DENR: variants seen among roughly 807,000 people sequenced by gnomAD.
DENR encodes the protein density-regulated protein.
Under a neutral mutation model 30.6 loss-of-function variants are expected in DENR, and 6 were observed. The ratio of observed to expected loss-of-function variants is 0.20; its 90% CI spans 0.11 to 0.39. The LOEUF is 0.39. Ranked by LOEUF, DENR falls within the 10% of genes least tolerant of loss-of-function variation. DENR has a pLI of 1.00. For missense variants in DENR, 141 were observed against 230.9 expected (o/e 0.61, Z 2.52); for synonymous variants, 78 against 72.1 (o/e 1.08, Z -0.41).
intron 2 of DENR, among the ~76,000 whole-genome samples, chr12:122,755,542 G>A (rs1878527169): frequency 6.6e-6 from 1 of 152,164 alleles, no homozygotes; most frequent in African/African-American, 2.4e-5. Flanking sequence ...TCACGCCATT[G>A]CACTCCCACC....
intron 2 of DENR, 68 bp downstream of exon 2, chr12:122,753,875 C>A: frequency 7.9e-7 from 1 of 1,271,844 alleles, no homozygotes; most frequent in Non-Finnish European, 1.1e-6. Context: ...AACAGTTTGA[C>A]ATTTGGTAAG....
intron 2 of DENR, 32 bp from the exon 3 acceptor site, chr12:122,762,155 A>G: frequency 4.3e-6 from 6 of 1,382,700 alleles, no homozygotes; most frequent in Non-Finnish European, 5.9e-6. Flanking sequence ...TAGGTTTAAC[A>G]TTTCAAATCT....
At chr12:122,764,235 G>A (rs181169653) in intron 4 of DENR, among the ~76,000 whole-genome samples, 79 of 152,242 alleles carry the variant, frequency 5.2e-4, no homozygotes, top group African/African-American at 1.8e-3. Context: ...ATGAGCTCTT[G>A]GAGGAGTTTA....
At chr12:122,757,774 G>A (rs942737419) in intron 2 of DENR, among the ~76,000 whole-genome samples, 50 of 152,200 alleles carry the variant, frequency 3.3e-4, no homozygotes, top group African/African-American at 1.1e-3. Context: ...AATCTGGGAA[G>A]TGATGTGATT....
At position 122,769,139 on chromosome 12, in the gene DENR, G is replaced by A; in HGVS notation, c.*61G>A. The A allele has an allele frequency of 6.6e-7, 1 of 1,522,796 alleles. No individual in the cohort carries two copies. The highest frequency in any genetic ancestry group is 1.3e-5 in the South Asian group (1 of 74,736). The allele number at this position is 1,522,796 out of a possible 1,614,324, so 94.3% of individuals were successfully genotyped here. A position where few individuals can be genotyped will look rare whatever the true frequency, so the allele number is the denominator to read the frequency against. On this transcript the variant is annotated 3_prime_UTR_variant, in exon 8 of 8. Transcript: ENST00000280557. ...GAGAGTTGATATGGCCAAAGGGAGA[G>A]AGGCCTTTTAAAATATATATATATA...
chr12:122,753,768 T>G lies in DENR; in HGVS notation c.67T>G (p.Leu23Val), dbSNP rs780142224. 2.2e-5 allele frequency: 35 copies of G among 1,613,912 alleles called. No individual in the cohort carries two copies. The stretch of plus-strand genomic sequence containing the variant: ...AGGAGACCCAAGGAACAGTGCCAAG[T>G]TAGATGCCGATTACCCACTTCGAGT... ...CKGDPRNSAK[L>V]DADYPLRVLY... The change falls in exon 2 of 8, where the codon TTA (leucine) becomes GTA (valine). Residue 23 changes from leucine to valine, a missense_variant. Physicochemically the swap from Leu to Val is conservative, Grantham distance 32. This residue lies in a region of DENR where 104 missense variants were observed against 138.3 expected (regional missense o/e 0.75). Transcript: ENST00000280557.
intron 2 of DENR, among the ~76,000 whole-genome samples, chr12:122,759,717 A>T (rs1226580318): frequency 6.8e-6 from 1 of 146,908 alleles, no homozygotes; most frequent in African/African-American, 2.5e-5. Context: ...CAAAACCCCA[A>T]TTTTTTTTTT....
intron 2 of DENR, among the ~76,000 whole-genome samples, chr12:122,757,124 T>C (rs1208769576): frequency 6.6e-6 from 1 of 152,012 alleles, no homozygotes; most frequent in Non-Finnish European, 1.5e-5. Context: ...AAGAGAAAAA[T>C]AGAAGCGATA....
intron 2 of DENR, 189 bp downstream of exon 2, chr12:122,753,996 C>T: frequency 1.6e-6 from 1 of 610,372 alleles, no homozygotes; most frequent in Non-Finnish European, 2.9e-6. Context: ...TTGTGTCTGG[C>T]TACTCTGCCT....
At chr12:122,756,087 TA>T (rs1363331267) in intron 2 of DENR, among the ~76,000 whole-genome samples, 2 of 152,194 alleles carry the variant, frequency 1.3e-5, no homozygotes, top group East Asian at 3.8e-4. Flanking sequence ...TGGAGGCATA[TA>T]AATTGGCAGA....
At chr12:122,764,335 T>A in intron 4 of DENR, among the ~76,000 whole-genome samples, 1 of 152,150 alleles carries the variant, frequency 6.6e-6, no homozygotes, top group Admixed American at 6.6e-5. Flanking sequence ...GTGCAGTGGC[T>A]CACGCTGTAA....
chr12:122,763,596 G>A (rs1457937935), intron 4 of DENR, among the ~76,000 whole-genome samples: 1 of 152,152 alleles, frequency 6.6e-6, no homozygotes, highest in African/African-American at 2.4e-5. Flanking sequence ...AGCTACTCGG[G>A]AGGCTGAGGC....
chr12:122,764,595 G>C (rs993472990), intron 4 of DENR, among the ~76,000 whole-genome samples: 2 of 152,132 alleles, frequency 1.3e-5, no homozygotes, highest in Non-Finnish European at 2.9e-5. Context: ...GGGAGACTCC[G>C]TCTCAAAAAA....
rs900361923 is a variant in DENR at position 122,753,950 on chromosome 12, A to C, written c.106+143A>C. On this transcript the variant is annotated intron_variant, in intron 2 of 7. Coordinates refer to ENST00000280557, the MANE Select transcript of DENR (RefSeq NM_003677.5). ...GGGGAGAGGAGTCCTGGGGAGGAGG[A>C]GGCATGAATTAACAGAGTTTCCCCA... 1.6e-5 allele frequency: 11 copies of C among 708,794 alleles called. 1 individual carries two copies. Among genetic ancestry groups the C allele is most frequent in the South Asian group, 3.3e-5 (2 of 60,604 alleles). 43.9% of individuals were successfully genotyped at this position (708,794 alleles called of 1,614,324 possible).
In DENR at chr12:122,768,835, G is replaced by C; in HGVS notation, c.466G>C (p.Ala156Pro). The change falls in exon 7 of 8, where the codon GCC becomes CCC. Residue 156 changes from alanine to proline, a missense_variant. Physicochemically the swap from Ala to Pro is conservative, Grantham distance 27. Around this residue, in one of 2 missense-constraint regions of DENR, gnomAD observed 37 missense variants for 92.6 expected, o/e 0.40. Transcript: ENST00000280557. ...TTTTGCTCAAAAATTCTCCTGTGGT[G>C]CCTCAGTAACAGGGGAGGATGAAAT... is the stretch of plus-strand genomic sequence containing the variant. ...RFFAQKFSCG[A>P]SVTGEDEIII... 6.2e-7 allele frequency: 1 copy of C among 1,607,972 alleles called. No individual in the cohort carries two copies. The highest frequency in any genetic ancestry group is 1.3e-5 in the African/African-American group (1 of 74,908).
intron 1 of DENR, among the ~76,000 whole-genome samples, chr12:122,753,247 C>T (rs1380743530): frequency 6.6e-6 from 1 of 151,970 alleles, no homozygotes; most frequent in Non-Finnish European, 1.5e-5. Context: ...GTTTAGTTGC[C>T]CCCACACCCT....
intron 3 of DENR, 89 bp downstream of exon 3, chr12:122,762,295 T>G (rs907024078): frequency 1.1e-5 from 10 of 919,414 alleles, no homozygotes; most frequent in Non-Finnish European, 1.4e-5. Context: ...TTATTTTTCA[T>G]TTTTGATTAT....
Position 122,762,717 on chromosome 12 carries a change from TAAG to T in DENR, c.127-124_127-122del, listed in dbSNP as rs1164171629. 12 of 663,646 alleles carry T rather than the reference TAAG, an allele frequency of 1.8e-5. No individual in the cohort carries two copies. In the East Asian group the frequency reaches 2.6e-4, roughly 15 times the overall value. 41.1% of individuals were successfully genotyped at this position (663,646 alleles called of 1,614,324 possible). Reference sequence around the variant, plus strand: ...TGGTTGAATACAGATTTCCTGTGGATAAGAAGTCAGATGGGAGTGGTTTGTTTT... The same window carrying T: ...TGGTTGAATACAGATTTCCTGTGGATAAGTCAGATGGGAGTGGTTTGTTTT... On this transcript the variant is annotated intron_variant, in intron 3 of 7. Coordinates refer to ENST00000280557, the MANE Select transcript of DENR (RefSeq NM_003677.5).
At chr12:122,765,817 T>G (rs1351812988) in intron 5 of DENR, among the ~76,000 whole-genome samples, 1 of 152,156 alleles carries the variant, frequency 6.6e-6, no homozygotes, top group African/African-American at 2.4e-5. Flanking sequence ...ACAGCTAAAA[T>G]TCCTGTGTCT....
Sources: gnomAD v4.1 joint callset for allele counts (sites outside exome capture counted in the v4.1 genomes callset) on GRCh38, gnomAD v4.1.1 for gene constraint, gnomAD v4.1.1 regional missense constraint, MANE v1.5 for transcripts, NCBI Gene and HGNC (gene_info 2026-07-23, HGNC 2026-07-21) for gene names.